SORCS2: variants seen among roughly 807,000 people sequenced by gnomAD.
The protein encoded by SORCS2 is VPS10 domain-containing receptor SorCS2.
In SORCS2, 100 loss-of-function variants were observed where a neutral mutation model predicts 141.6. The ratio of observed to expected loss-of-function variants is 0.71; its 90% confidence interval spans 0.60 to 0.83. The LOEUF is 0.83. Among genes scored for constraint, SORCS2 ranks in the 40% least tolerant of loss-of-function variants. The probability of loss-of-function intolerance (pLI) is 0.00; values close to 1 mark genes in which losing one functional copy is unlikely to be tolerated. For synonymous variants in SORCS2, 789 were observed against 676.9 expected (o/e 1.17, Z -2.57); for missense variants, 1,646 against 1,560.2 (o/e 1.05, Z -0.93).
At chr4:7,213,747 C>G (rs1352060908) in intron 1 of SORCS2, among the ~76,000 whole-genome samples, 1 of 152,194 alleles carries the variant, frequency 6.6e-6, no homozygotes, top group East Asian at 1.9e-4. Flanking sequence ...AGAGCCAGGT[C>G]TCAGTATTCT....
rs867259875 is a variant in SORCS2 at position 7,193,115 on chromosome 4, G to A, written c.469G>A (p.Glu157Lys). 5.2e-6 allele frequency: 8 copies of A among 1,541,928 alleles called. No individual in the cohort carries two copies. Among genetic ancestry groups the A allele is most frequent in the Admixed American group, 1.9e-5 (1 of 52,936 alleles). Reference protein sequence around the residue: ...HNQAMVHWTGENSSVILILTK... With the variant: ...HNQAMVHWTGKNSSVILILTK... ...CCAGGCGATGGTGCACTGGACGGGC[G>A]AGAACAGCAGCGTAAGTGACCTCCA... Residue 157 changes from glutamate (E) to lysine (K), a missense_variant, in exon 1 of 27, where the codon GAG (glutamate) becomes AAG (lysine). By Grantham distance (56) the Glu-to-Lys change is moderately conservative. Transcript: ENST00000507866. The surrounding 1 kb of genome is among the most constrained non-coding windows in gnomAD (Gnocchi z 4.8).
intron 15 of SORCS2, 71 bp downstream of exon 15, chr4:7,712,924 A>G: frequency 6.3e-7 from 1 of 1,582,412 alleles, no homozygotes; most frequent in Non-Finnish European, 8.6e-7. Context: ...TCTGCCTGCC[A>G]AAGTCCTCCC....
At chr4:7,714,009 C>A (rs2109039342) in intron 15 of SORCS2, among the ~76,000 whole-genome samples, 1 of 152,348 alleles carries the variant, frequency 6.6e-6, no homozygotes, top group South Asian at 2.1e-4. Context: ...CCCTCGGGCC[C>A]AGCCAGGGCT....
intron 2 of SORCS2, among the ~76,000 whole-genome samples, chr4:7,530,304 C>T (rs753710577): frequency 3.3e-5 from 5 of 152,218 alleles, no homozygotes; most frequent in Non-Finnish European, 7.3e-5. Context: ...TCAGTGCAGG[C>T]CGGGCTCAGA....
Position 7,418,713 on chromosome 4 carries a change from C to CCG in SORCS2, c.548+22358_548+22359insCG, listed in dbSNP as rs1553859437. On this transcript the variant is annotated intron_variant, in intron 2 of 26. Coordinates refer to ENST00000507866, the MANE Select transcript of SORCS2 (RefSeq NM_020777.3). ...CTGCGTAACAAATGACCCCCCCCCC[C>CCG]ACCAGATTTGTAGATTAAAACAACA... 6.7e-4 allele frequency among the ~76,000 whole-genome samples: 34 copies of CCG among 50,678 alleles called. 1 individual carries two copies. The highest frequency in any genetic ancestry group is 1.7e-3 in the Admixed American group (8 of 4,732). 33.2% of individuals were successfully genotyped at this position (50,678 alleles called of 152,430 possible).
In SORCS2 at chr4:7,243,129, C is replaced by G. The variant is rs34533808; in HGVS notation, c.480+50003C>G. On this transcript the variant is annotated intron_variant, in intron 1 of 26. Coordinates refer to ENST00000507866, the MANE Select transcript of SORCS2 (RefSeq NM_020777.3). ...TTTCTCCATGAGGGATCTGAGTTCC[C>G]CCTCCCCATCCACGCACAAGCTCTG... Among the ~76,000 whole-genome samples the G allele has an allele frequency of 7.7e-3, 1,171 of 152,262 alleles. 13 individuals are homozygous for G. Among genetic ancestry groups the G allele is most frequent in the African/African-American group, 0.027 (1,106 of 41,536 alleles).
intron 1 of SORCS2, among the ~76,000 whole-genome samples, chr4:7,264,499 G>A (rs944468462): frequency 6.6e-6 from 1 of 152,110 alleles, no homozygotes; most frequent in Non-Finnish European, 1.5e-5. Flanking sequence ...AGTGTCTCCC[G>A]ACCACCGGCT....
At chr4:7,652,898 A>G (rs193286734) in intron 4 of SORCS2, among the ~76,000 whole-genome samples, 3 of 152,310 alleles carry the variant, frequency 2.0e-5, no homozygotes, top group African/African-American at 7.2e-5. Flanking sequence ...AATCAGGTCA[A>G]ATGCTTTTCC....
At chr4:7,605,179 G>A (rs191038992) in intron 3 of SORCS2, among the ~76,000 whole-genome samples, 18 of 152,288 alleles carry the variant, frequency 1.2e-4, no homozygotes, top group African/African-American at 4.3e-4. Flanking sequence ...CAGAGTAGCT[G>A]CAGCTGTGCC....
chr4:7,421,329 C>T (rs529057522), intron 2 of SORCS2, among the ~76,000 whole-genome samples: 6 of 152,312 alleles, frequency 3.9e-5, no homozygotes, highest in African/African-American at 7.2e-5. Context: ...TGGCTAAGAA[C>T]GCAGGCTTGT....
intron 1 of SORCS2, among the ~76,000 whole-genome samples, chr4:7,231,536 T>TCCA (rs1360066779): frequency 3.4e-5 from 5 of 149,062 alleles, no homozygotes; most frequent in African/African-American, 1.3e-4. Context: ...CATCCATCCA[T>TCCA]TCATCCATCC....
At chr4:7,575,064 G>T (rs1218167735) in intron 3 of SORCS2, among the ~76,000 whole-genome samples, 1 of 152,186 alleles carries the variant, frequency 6.6e-6, no homozygotes, top group Non-Finnish European at 1.5e-5. Flanking sequence ...GAAGATCGGG[G>T]GACTGGCGGT....
chr4:7,733,082 C>A (rs76351697), intron 23 of SORCS2, among the ~76,000 whole-genome samples: 12 of 150,562 alleles, frequency 8.0e-5, no homozygotes, highest in African/African-American at 1.7e-4. Flanking sequence ...TCCCCTCCCC[C>A]CTAGTGGAGG....
intron 3 of SORCS2, among the ~76,000 whole-genome samples, chr4:7,613,935 CCATT>C (rs370180109): frequency 2.0e-5 from 3 of 152,128 alleles, no homozygotes; most frequent in East Asian, 1.9e-4. Flanking sequence ...GTTCACTCAT[CCATT>C]CATTCATTCA....
chr4:7,262,787 T>G (rs1714449869), intron 1 of SORCS2, among the ~76,000 whole-genome samples: 1 of 152,198 alleles, frequency 6.6e-6, no homozygotes, highest in Admixed American at 6.5e-5. Context: ...CCATGCCTCC[T>G]GGGTCTTGTG....
chr4:7,695,946 GGA>G (rs1724681069), intron 11 of SORCS2, among the ~76,000 whole-genome samples: 2 of 133,338 alleles, frequency 1.5e-5, no homozygotes, highest in African/African-American at 5.1e-5. Flanking sequence ...GTGGGTGGAT[GGA>G]TGGATGGATG....
chr4:7,330,010 G>A (rs371424926), intron 1 of SORCS2, among the ~76,000 whole-genome samples: 13 of 152,122 alleles, frequency 8.5e-5, no homozygotes, highest in African/African-American at 1.9e-4. Flanking sequence ...TGGCAGGTGC[G>A]GTTCCTTCTG....
intron 1 of SORCS2, among the ~76,000 whole-genome samples, chr4:7,356,273 T>C (rs1247224960): frequency 6.6e-6 from 1 of 152,232 alleles, no homozygotes; most frequent in Non-Finnish European, 1.5e-5. Context: ...TTGTTTTCTG[T>C]CTTGGCCCCT....
In SORCS2 at chr4:7,728,324, A is replaced by G. The variant is rs780680067; in HGVS notation, c.2870-26A>G. ...AGAGCCAGGCTGTCCAGAACTGACC[A>G]GTCTCCCTTCTCTGCGTCTTTCCAG... On this transcript the variant is annotated intron_variant, in intron 21 of 26. Transcript: ENST00000507866. 1.9e-6 allele frequency: 3 copies of G among 1,564,602 alleles called. No homozygotes were observed. In the Admixed American group the frequency reaches 5.1e-5, roughly 27 times the overall value.
Sources: gnomAD v4.1 joint callset for allele counts (sites outside exome capture counted in the v4.1 genomes callset) on GRCh38, gnomAD v4.1.1 for gene constraint, Gnocchi (gnomAD v3.1) non-coding constraint, MANE v1.5 for transcripts, NCBI Gene and HGNC (gene_info 2026-07-23, HGNC 2026-07-21) for gene names.